ARHGAP6: variants seen among roughly 807,000 people sequenced by gnomAD.
The protein encoded by ARHGAP6 is Rho GTPase activating protein 6, also known as rho GTPase-activating protein 6.
In ARHGAP6, 16 loss-of-function variants were observed where a neutral mutation model predicts 55.7. The ratio of observed to expected loss-of-function variants is 0.29; its 90% CI spans 0.19 to 0.44. The LOEUF (loss-of-function observed/expected upper bound fraction) is 0.44, where lower values mean the gene tolerates loss of function less well. Ranked by LOEUF, ARHGAP6 falls within the 20% of genes least tolerant of loss-of-function variation. The probability of loss-of-function intolerance (pLI) is 1.00; values close to 1 mark genes in which losing one functional copy is unlikely to be tolerated. For synonymous variants in ARHGAP6, 382 were observed against 360.9 expected, an observed-to-expected ratio of 1.06 and a Z score of -0.66; for missense variants, 698 against 808.9, an observed-to-expected ratio of 0.86 and a Z score of 1.66.
intron 1 of ARHGAP6, among the ~76,000 whole-genome samples, chrX:11,612,671 T>C (rs1410193249): frequency 8.9e-6 from 1 of 112,440 alleles, no homozygotes; most frequent in Non-Finnish European, 1.9e-5. Flanking sequence ...ATTTCTATTG[T>C]TTATAAGCCA....
chrX:11,590,796 G>GAA (rs1362045821), intron 1 of ARHGAP6, among the ~76,000 whole-genome samples: 1 of 21,587 alleles, frequency 4.6e-5, no homozygotes, highest in Non-Finnish European at 7.3e-5. Flanking sequence ...GAAAAGAAAA[G>GAA]AAAAGAAAAG....
At chrX:11,293,418 A>T (rs1301053489) in intron 1 of ARHGAP6, 3 of 112,391 alleles carry the variant, frequency 2.7e-5, no homozygotes, top group Non-Finnish European at 5.6e-5. Context: ...AATCTAAAGG[A>T]TCAAGCATCC....
chrX:11,178,012 C>T (rs1225559531), intron 8 of ARHGAP6, 88 bp downstream of exon 8: 4 of 1,125,095 alleles, frequency 3.6e-6, no homozygotes, highest in African/African-American at 3.6e-5. Flanking sequence ...ATCATTACCT[C>T]CAGGCAAAAT....
intron 1 of ARHGAP6, among the ~76,000 whole-genome samples, chrX:11,460,093 C>A (rs1171233350): frequency 2.7e-5 from 3 of 111,112 alleles, no homozygotes; most frequent in Non-Finnish European, 5.7e-5. Context: ...ATTAGGTTAC[C>A]TTCTGTGGCA....
chrX:11,240,741 A>C lies in ARHGAP6; in HGVS notation c.748+13807T>G, dbSNP rs146048825. On this transcript the variant is annotated intron_variant, in intron 2 of 12. Coordinates refer to ENST00000337414, the MANE Select transcript of ARHGAP6 (RefSeq NM_013427.3). ...TTCAGTGCTAGAGATAGACATGTGG[A>C]AACCTAATTAAAGCAAAATGAGGCC... Among the ~76,000 whole-genome samples, 202 of 110,430 alleles carry C rather than the reference A, an allele frequency of 1.8e-3. 2 individuals carry two copies. Among genetic ancestry groups the C allele is most frequent in the Admixed American group, 0.018 (181 of 10,309 alleles).
intron 1 of ARHGAP6, among the ~76,000 whole-genome samples, chrX:11,368,455 C>A (rs1181993706): frequency 1.8e-5 from 2 of 111,869 alleles, no homozygotes; most frequent in African/African-American, 6.5e-5. Context: ...GTCAGAAGAT[C>A]CCCGTGACAT....
intron 1 of ARHGAP6, among the ~76,000 whole-genome samples, chrX:11,497,813 GAAC>G (rs1394703635): frequency 3.6e-5 from 4 of 110,047 alleles, no homozygotes; most frequent in Non-Finnish European, 1.9e-5. Context: ...ATCACTACTT[GAAC>G]AACAAAACTC....
chrX:11,617,276 A>G (rs1407550531), intron 1 of ARHGAP6, among the ~76,000 whole-genome samples: 1 of 112,257 alleles, frequency 8.9e-6, no homozygotes, highest in African/African-American at 3.2e-5. Context: ...GTCTACTAGA[A>G]CATTTGAATT....
intron 1 of ARHGAP6, among the ~76,000 whole-genome samples, chrX:11,648,405 T>G (rs2052551698): frequency 8.9e-6 from 1 of 112,048 alleles, no homozygotes; most frequent in African/African-American, 3.2e-5. Flanking sequence ...ATAAACTACA[T>G]TGTATCATAA....
At chrX:11,578,014 A>G (rs751883708) in intron 1 of ARHGAP6, among the ~76,000 whole-genome samples, 36 of 111,552 alleles carry the variant, frequency 3.2e-4, no homozygotes, top group African/African-American at 1.1e-3. Context: ...TGTACTACTT[A>G]AATTTTGAAG....
Position 11,218,069 on chromosome X carries a change from A to T in ARHGAP6, c.749-21073T>A, listed in dbSNP as rs1291650491. Among the ~76,000 whole-genome samples, 9 of 111,683 alleles carry T rather than the reference A, an allele frequency of 8.1e-5. No homozygotes were observed. The Admixed American group carries it at 8.6e-4, about 11-fold the overall frequency. On this transcript the variant is annotated intron_variant, in intron 2 of 12. Coordinates refer to ENST00000337414, the MANE Select transcript of ARHGAP6 (RefSeq NM_013427.3). ...GGCCTCTGTTCTGTTCTATTGGTCT[A>T]TATATCTGTTTTGGTACTAGTACCA...
chrX:11,180,429 A>G (rs1269342830), intron 6 of ARHGAP6, among the ~76,000 whole-genome samples: 2 of 110,640 alleles, frequency 1.8e-5, no homozygotes, highest in Non-Finnish European at 3.8e-5. Flanking sequence ...GGCTCACAAA[A>G]TACACTAGTG....
chrX:11,573,666 T>C (rs1181391020), intron 1 of ARHGAP6, among the ~76,000 whole-genome samples: 5 of 110,583 alleles, frequency 4.5e-5, no homozygotes, highest in Admixed American at 9.7e-5. Context: ...CTTGGCGATG[T>C]GGGCTCTTTT....
At chrX:11,548,563 C>T (rs1018849591) in intron 1 of ARHGAP6, among the ~76,000 whole-genome samples, 3 of 111,534 alleles carry the variant, frequency 2.7e-5, no homozygotes, top group African/African-American at 9.8e-5. Flanking sequence ...CAGCCAGGCT[C>T]ATCCGTATTG....
intron 1 of ARHGAP6, among the ~76,000 whole-genome samples, chrX:11,522,367 G>A (rs1206619603): frequency 2.7e-5 from 3 of 110,744 alleles, no homozygotes; most frequent in Non-Finnish European, 5.7e-5. Context: ...CTAGCAGAAG[G>A]CAAGAAATAA....
chrX:11,411,170 T>G (rs189864480), intron 1 of ARHGAP6, among the ~76,000 whole-genome samples: 2 of 69,994 alleles, frequency 2.9e-5, no homozygotes, highest in Non-Finnish European at 5.2e-5. Flanking sequence ...CCTGTGTCAC[T>G]GGCAGACATT....
At chrX:11,284,852 T>C (rs1201010456) in intron 1 of ARHGAP6, among the ~76,000 whole-genome samples, 1 of 111,593 alleles carries the variant, frequency 9.0e-6, no homozygotes, top group Non-Finnish European at 1.9e-5. Flanking sequence ...ACCCACTAGA[T>C]GCCAGGAACA....
chrX:11,141,538 G>T (rs2147264794), intron 12 of ARHGAP6, among the ~76,000 whole-genome samples: 1 of 112,465 alleles, frequency 8.9e-6, no homozygotes, highest in African/African-American at 3.2e-5. Context: ...AAAAATACTG[G>T]TAGGAAAGAA....
At chrX:11,485,550 C>G (rs1361585519) in intron 1 of ARHGAP6, among the ~76,000 whole-genome samples, 1 of 112,800 alleles carries the variant, frequency 8.9e-6, no homozygotes, top group Non-Finnish European at 1.9e-5. Context: ...TTTTGTCTCT[C>G]TTCCACACAC....
Sources: gnomAD v4.1 joint callset for allele counts (sites outside exome capture counted in the v4.1 genomes callset) on GRCh38, gnomAD v4.1.1 for gene constraint, MANE v1.5 for transcripts, NCBI Gene and HGNC (gene_info 2026-07-23, HGNC 2026-07-21) for gene names.